Variants in NRSN1 observed in about 807,000 individuals in gnomAD.
NRSN1 encodes neurensin-1.
In NRSN1, 14 loss-of-function variants were observed where a neutral mutation model predicts 17.3. The observed-to-expected ratio is 0.81, with a 90% CI of 0.54 to 1.27. NRSN1 has a LOEUF of 1.27. NRSN1 is among the 50% of genes most tolerant of loss of function. The pLI is 0.00. For synonymous variants in NRSN1, 79 were observed against 94.2 expected (o/e 0.84, Z 0.93); for missense variants, 209 against 235.9 (o/e 0.89, Z 0.75).
In NRSN1 at chr6:24,134,411, C is replaced by T. The variant is rs376883882; in HGVS notation, c.84C>T (p.Ser28=). The T allele has an allele frequency of 5.0e-5, 81 of 1,614,124 alleles. No individual in the cohort carries two copies. The highest frequency in any genetic ancestry group is 6.9e-5 in the Non-Finnish European group (81 of 1,179,994). The change falls in exon 3 of 4, where the codon TCC becomes TCT. Residue 28 remains serine, a synonymous_variant. Coordinates refer to ENST00000378491, the MANE Select transcript of NRSN1 (RefSeq NM_080723.5). Reference sequence around the variant, plus strand: ...GTTACCAGCGCTATGGAGTCCGGTCCTACCTGCACCAGTTTTATGAGGACT... The same window carrying T: ...GTTACCAGCGCTATGGAGTCCGGTCTTACCTGCACCAGTTTTATGAGGACT... ...EGGYQRYGVR[S]YLHQFYEDCT... is the part of the protein sequence containing the mutation.
At chr6:24,139,075 T>C (rs1298182347) in intron 3 of NRSN1, among the ~76,000 whole-genome samples, 2 of 152,194 alleles carry the variant, frequency 1.3e-5, no homozygotes, top group African/African-American at 4.8e-5. Context: ...TTGATTCCTC[T>C]TAGTTGAAAT....
Position 24,126,248 on chromosome 6 carries a change from GAGCGGCGGCGGTGGCGACGGCGA to G in NRSN1, c.-174_-152del. 1 of 179,710 alleles carries G rather than the reference GAGCGGCGGCGGTGGCGACGGCGA, an allele frequency of 5.6e-6. No individual in the cohort carries two copies. Among genetic ancestry groups the G allele is most frequent in the Non-Finnish European group, 1.1e-5 (1 of 87,200 alleles). The allele number at this position is 179,710 out of a possible 1,614,324, so 11.1% of individuals were successfully genotyped here. ...GGCGCGGGCTGAGCTCTACGAGGCG[GAGCGGCGGCGGTGGCGACGGCGA>G]TGGGACCCCAGCGAGAGATCTGCAG... On this transcript the variant is annotated 5_prime_UTR_variant, in exon 1 of 4. The change abolishes an upstream ATG in the 5' untranslated region. Transcript: ENST00000378491.
chr6:24,145,592 T>G lies in NRSN1; in HGVS notation c.234T>G (p.Thr78=). The G allele has an allele frequency of 6.2e-7, 1 of 1,609,740 alleles. No individual in the cohort carries two copies. The highest frequency in any genetic ancestry group is 8.5e-7 in the Non-Finnish European group (1 of 1,177,264). The change falls in exon 4 of 4, where the codon ACT becomes ACG. Residue 78 remains threonine, a synonymous_variant. Coordinates refer to ENST00000378491, the MANE Select transcript of NRSN1 (RefSeq NM_080723.5). The surrounding 1 kb of genome is among the most constrained non-coding windows in gnomAD (Gnocchi z 4.4). ...SGTVFVILGL[T]VLAVGFLVPP... ...CAGTTTTTGTGATCCTCGGATTGACTGTTCTGGCAGTGGGCTTTCTTGTGC... is the reference window on the plus strand; with the variant it reads ...CAGTTTTTGTGATCCTCGGATTGACGGTTCTGGCAGTGGGCTTTCTTGTGC...
chr6:24,139,363 G>T (rs1760166226), intron 3 of NRSN1, among the ~76,000 whole-genome samples: 1 of 152,194 alleles, frequency 6.6e-6, no homozygotes, highest in African/African-American at 2.4e-5. Context: ...CAATGATCCA[G>T]GCAAGATATA....
chr6:24,136,520 T>C (rs1270331346), intron 3 of NRSN1, among the ~76,000 whole-genome samples: 2 of 149,776 alleles, frequency 1.3e-5, no homozygotes, highest in Non-Finnish European at 3.0e-5. Flanking sequence ...CCCAGATATG[T>C]GGGTGGTTGT....
At chr6:24,134,042 T>TGTGTGTGTGTGTG (rs1554140179) in intron 2 of NRSN1, among the ~76,000 whole-genome samples, 17 of 47,236 alleles carry the variant, frequency 3.6e-4, no homozygotes, top group African/African-American at 1.2e-3. Flanking sequence ...GTGTGTGTGT[T>TGTGTGTGTGTGTG]TTTAGTAGAG....
intron 3 of NRSN1, among the ~76,000 whole-genome samples, chr6:24,138,418 A>C (rs1760149370): frequency 6.6e-6 from 1 of 152,102 alleles, no homozygotes; most frequent in African/African-American, 2.4e-5. Context: ...GGCTGTTGCC[A>C]CTTGATTGTC....
intron 2 of NRSN1, among the ~76,000 whole-genome samples, chr6:24,131,298 G>A (rs1476111596): frequency 2.6e-5 from 4 of 152,208 alleles, no homozygotes; most frequent in Non-Finnish European, 5.9e-5. Context: ...GGGAATGGCT[G>A]TAATATATCA....
intron 3 of NRSN1, among the ~76,000 whole-genome samples, chr6:24,138,613 A>C (rs1294085387): frequency 6.6e-6 from 1 of 152,120 alleles, no homozygotes; most frequent in Non-Finnish European, 1.5e-5. Context: ...GTGCAGGTGC[A>C]AGGTGTGACC....
rs1181938495 is a variant in NRSN1, at chr6:24,145,297, T to C, written c.190-251T>C. Among the ~76,000 whole-genome samples the C allele has an allele frequency of 1.4e-5, 2 of 147,814 alleles. No individual in the cohort carries two copies. The highest frequency in any genetic ancestry group is 3.9e-4 in the East Asian group (2 of 5,138). On this transcript the variant is annotated intron_variant, in intron 3 of 3. Transcript: ENST00000378491. The surrounding 1 kb of genome is among the most constrained non-coding windows in gnomAD (Gnocchi z 4.4). ...TACAATATATGTATATCTTTAGATA[T>C]ATAATATATATATATGATATATACA...
Position 24,147,245 on chromosome 6 carries a change from C to T in NRSN1, c.*1299C>T, listed in dbSNP as rs893694314. 5.3e-5 allele frequency: 8 copies of T among 152,194 alleles called. No individual in the cohort carries two copies. The highest frequency in any genetic ancestry group is 1.9e-4 in the African/African-American group (8 of 41,450). The allele number at this position is 152,194 out of a possible 1,614,324, so 9.4% of individuals were successfully genotyped here. A position where few individuals can be genotyped will look rare whatever the true frequency, so the allele number is the denominator to read the frequency against. ...TCAAACAAGATGCTTTGTTCTCCAA[C>T]AAGATGTTCATCTCATCACTTGCAC... On this transcript the variant is annotated 3_prime_UTR_variant, in exon 4 of 4. Coordinates refer to ENST00000378491, the MANE Select transcript of NRSN1 (RefSeq NM_080723.5).
At chr6:24,131,640 T>C (rs1760030801) in intron 2 of NRSN1, among the ~76,000 whole-genome samples, 1 of 152,164 alleles carries the variant, frequency 6.6e-6, no homozygotes, top group Non-Finnish European at 1.5e-5. Flanking sequence ...AAGCAGTTAG[T>C]AATACCAACC....
chr6:24,140,415 A>AT, intron 3 of NRSN1, among the ~76,000 whole-genome samples: 2 of 152,304 alleles, frequency 1.3e-5, no homozygotes, highest in Admixed American at 1.3e-4. Context: ...AAGGACCTCG[A>AT]TTATCGCCAG....
intron 3 of NRSN1, among the ~76,000 whole-genome samples, chr6:24,136,424 T>G (rs985665987): frequency 6.6e-6 from 1 of 152,216 alleles, no homozygotes; most frequent in African/African-American, 2.4e-5. Context: ...TCAGCATCCT[T>G]GCCCTGTAGA....
intron 3 of NRSN1, 33 bp downstream of exon 3, chr6:24,134,549 T>C: frequency 6.3e-7 from 1 of 1,580,676 alleles, no homozygotes; most frequent in Admixed American, 1.7e-5. Context: ...ACTTAGGGAA[T>C]GGAAAAATTA....
At position 24,146,069 on chromosome 6, in the gene NRSN1, T is replaced by C; in HGVS notation, c.*123T>C. 9.8e-7 allele frequency: 1 copy of C among 1,019,986 alleles called. No homozygotes were observed. Among genetic ancestry groups the C allele is most frequent in the Non-Finnish European group, 1.6e-6 (1 of 645,048 alleles). 63.2% of individuals were successfully genotyped at this position (1,019,986 alleles called of 1,614,324 possible). A position where few individuals can be genotyped will look rare whatever the true frequency, so the allele number is the denominator to read the frequency against. On this transcript the variant is annotated 3_prime_UTR_variant, in exon 4 of 4. Coordinates refer to ENST00000378491, the MANE Select transcript of NRSN1 (RefSeq NM_080723.5). ...TAGGGCTGTGTTCAGCTGTGGGCAA[T>C]ATAATGGGTGGACTCACACTTGCTC...
At chr6:24,131,122 C>CTAA (rs970897470) in intron 2 of NRSN1, among the ~76,000 whole-genome samples, 40 of 152,298 alleles carry the variant, frequency 2.6e-4, no homozygotes, top group African/African-American at 8.9e-4. Flanking sequence ...AGCTAAAAAT[C>CTAA]CATGGCTTCA....
chr6:24,138,567 A>G (rs1259183444), intron 3 of NRSN1, among the ~76,000 whole-genome samples: 1 of 152,096 alleles, frequency 6.6e-6, no homozygotes, highest in Non-Finnish European at 1.5e-5. Context: ...AGCCTATGTC[A>G]GAGGTTAATA....
chr6:24,128,847 G>A (rs1288432697), intron 2 of NRSN1: 1 of 152,178 alleles, frequency 6.6e-6, no homozygotes, highest in Admixed American at 6.5e-5. Flanking sequence ...CAGGGCCTGT[G>A]CCTGGCCTCA....
Sources: gnomAD v4.1 joint callset for allele counts (sites outside exome capture counted in the v4.1 genomes callset) on GRCh38, gnomAD v4.1.1 for gene constraint, Gnocchi (gnomAD v3.1) non-coding constraint, MANE v1.5 for transcripts, NCBI Gene and HGNC (gene_info 2026-07-23, HGNC 2026-07-21) for gene names.